SPAG16: variants seen among roughly 807,000 people sequenced by gnomAD.
SPAG16 encodes the protein sperm associated antigen 16, also known as sperm-associated antigen 16 protein.
A neutral mutation model predicts 80.4 loss-of-function variants in SPAG16; 86 were observed. The ratio of observed to expected loss-of-function variants is 1.07; its 90% CI spans 0.90 to 1.28. The LOEUF (loss-of-function observed/expected upper bound fraction) is 1.28, where lower values mean the gene tolerates loss of function less well. Among genes scored for constraint, SPAG16 ranks in the 50% most tolerant of loss-of-function variants. The pLI, the probability that SPAG16 is intolerant of heterozygous loss-of-function variation, is 0.00. For missense variants in SPAG16, 870 were observed against 765.3 expected, an observed-to-expected ratio of 1.14 and a Z score of -1.61; for synonymous variants, 294 against 265.9, an observed-to-expected ratio of 1.11 and a Z score of -1.03.
chr2:213,584,621 G>GGGAA (rs368260518), intron 10 of SPAG16, among the ~76,000 whole-genome samples: 5 of 150,756 alleles, frequency 3.3e-5, no homozygotes, highest in South Asian at 2.1e-4. Context: ...GAAGGAAGGA[G>GGGAA]GGAAGGAAGG....
chr2:214,043,588 G>T (rs2125103086), intron 13 of SPAG16, among the ~76,000 whole-genome samples: 1 of 152,184 alleles, frequency 6.6e-6, no homozygotes, highest in South Asian at 2.1e-4. Flanking sequence ...TAATGGAAAT[G>T]GGGAAAAAAC....
chr2:213,513,739 T>C (rs1385456467), intron 10 of SPAG16, among the ~76,000 whole-genome samples: 1 of 152,226 alleles, frequency 6.6e-6, no homozygotes, highest in Non-Finnish European at 1.5e-5. Flanking sequence ...TTCTGCTTTA[T>C]ACTTAAGCTG....
chr2:213,932,570 G>T (rs536085407), intron 12 of SPAG16, among the ~76,000 whole-genome samples: 18 of 152,228 alleles, frequency 1.2e-4, no homozygotes, highest in African/African-American at 4.3e-4. Context: ...AGAGAAGGAA[G>T]AGTTTAGAAT....
intron 10 of SPAG16, among the ~76,000 whole-genome samples, chr2:213,506,211 A>G (rs996275902): frequency 8.5e-5 from 13 of 152,074 alleles, no homozygotes; most frequent in African/African-American, 3.1e-4. Flanking sequence ...AGATGAGAAG[A>G]TAGTTCTTGA....
At chr2:214,064,521 TC>T (rs2050438617) in intron 13 of SPAG16, among the ~76,000 whole-genome samples, 1 of 152,116 alleles carries the variant, frequency 6.6e-6, no homozygotes, top group South Asian at 2.1e-4. Flanking sequence ...TATTCTGACC[TC>T]CTTTTGTATA....
At chr2:213,405,958 A>G (rs548876535) in intron 9 of SPAG16, among the ~76,000 whole-genome samples, 1 of 152,224 alleles carries the variant, frequency 6.6e-6, no homozygotes, top group Non-Finnish European at 1.5e-5. Context: ...CACAAAGGCT[A>G]CAGGAGTTGA....
intron 15 of SPAG16, among the ~76,000 whole-genome samples, chr2:214,181,516 C>T (rs562791848): frequency 1.4e-3 from 215 of 151,868 alleles, no homozygotes; most frequent in Middle Eastern, 3.4e-3. Flanking sequence ...ATATGAACAC[C>T]ATGAAGAAAC....
intron 15 of SPAG16, among the ~76,000 whole-genome samples, chr2:214,179,507 A>G (rs2057241286): frequency 6.6e-6 from 1 of 151,422 alleles, no homozygotes; most frequent in Non-Finnish European, 1.5e-5. Flanking sequence ...GAATTGCTCC[A>G]TGACGTCAAA....
intron 15 of SPAG16, among the ~76,000 whole-genome samples, chr2:214,274,573 G>T (rs1017538922): frequency 2.6e-5 from 4 of 152,100 alleles, no homozygotes; most frequent in Non-Finnish European, 5.9e-5. Flanking sequence ...TTTTGTCATT[G>T]GTTCTGTTTA....
chr2:213,497,322 C>T (rs963780345), intron 10 of SPAG16, among the ~76,000 whole-genome samples: 1 of 151,796 alleles, frequency 6.6e-6, no homozygotes. Context: ...ATTCAATTTT[C>T]GATTTATTTC....
intron 10 of SPAG16, among the ~76,000 whole-genome samples, chr2:213,627,251 G>A (rs997978220): frequency 3.3e-5 from 5 of 152,196 alleles, no homozygotes; most frequent in South Asian, 4.1e-4. Flanking sequence ...CGTTCCTCAC[G>A]TGGTTAGGGA....
chr2:213,522,499 A>G (rs2075715253), intron 10 of SPAG16, among the ~76,000 whole-genome samples: 1 of 152,192 alleles, frequency 6.6e-6, no homozygotes, highest in Admixed American at 6.5e-5. Context: ...TATGCCCCAC[A>G]TCTGACTGAA....
At chr2:213,950,143 T>G (rs1184776925) in intron 12 of SPAG16, among the ~76,000 whole-genome samples, 1 of 152,214 alleles carries the variant, frequency 6.6e-6, no homozygotes, top group Non-Finnish European at 1.5e-5. Flanking sequence ...CTAGCTAGAA[T>G]TAATTAAGCT....
intron 10 of SPAG16, among the ~76,000 whole-genome samples, chr2:213,547,512 A>G (rs1229639318): frequency 6.6e-6 from 1 of 152,200 alleles, no homozygotes; most frequent in Non-Finnish European, 1.5e-5. Context: ...GTATTCTAAT[A>G]TCATTTTAAC....
intron 9 of SPAG16, among the ~76,000 whole-genome samples, chr2:213,378,135 T>G (rs566266867): frequency 5.4e-4 from 82 of 152,106 alleles, no homozygotes; most frequent in African/African-American, 2.0e-3. Flanking sequence ...GTCTGGTCTT[T>G]TCACATTTTT....
chr2:213,403,288 T>C (rs944106629), intron 9 of SPAG16, among the ~76,000 whole-genome samples: 3 of 152,190 alleles, frequency 2.0e-5, no homozygotes, highest in African/African-American at 7.2e-5. Context: ...GTTTTTTTCT[T>C]GTAAATTTGT....
intron 10 of SPAG16, among the ~76,000 whole-genome samples, chr2:213,507,490 A>G (rs1197464040): frequency 6.6e-6 from 1 of 152,230 alleles, no homozygotes; most frequent in Non-Finnish European, 1.5e-5. Flanking sequence ...TAAATGACCT[A>G]CATAATAGTA....
intron 10 of SPAG16, among the ~76,000 whole-genome samples, chr2:213,631,509 G>A (rs1004185277): frequency 5.9e-5 from 9 of 152,166 alleles, no homozygotes; most frequent in Admixed American, 5.2e-4. Flanking sequence ...GTAGAGTCTC[G>A]TGGGAAGTGA....
At chr2:214,170,878 C>T (rs1268699291) in intron 15 of SPAG16, among the ~76,000 whole-genome samples, 1 of 152,058 alleles carries the variant, frequency 6.6e-6, no homozygotes, top group African/African-American at 2.4e-5. Context: ...ATAACTCTAA[C>T]CATTTCTTCA....
Sources: gnomAD v4.1 joint callset for allele counts (sites outside exome capture counted in the v4.1 genomes callset) on GRCh38, gnomAD v4.1.1 for gene constraint, MANE v1.5 for transcripts, NCBI Gene and HGNC (gene_info 2026-07-23, HGNC 2026-07-21) for gene names.